Variants in MRPL36 observed in about 807,000 individuals in gnomAD.
MRPL36 encodes large ribosomal subunit protein bL36m.
Under a neutral mutation model 2.8 loss-of-function variants are expected in MRPL36, and 1 was observed. That is an observed-to-expected ratio of 0.36 (90% CI 0.13 to 1.69). The LOEUF (loss-of-function observed/expected upper bound fraction) is 1.69. MRPL36 is among the 40% of genes most tolerant of loss of function. MRPL36 has a pLI of 0.35. For missense variants in MRPL36, 148 were observed against 132.7 expected, an observed-to-expected ratio of 1.12 and a Z score of -0.57; for synonymous variants, 68 against 54.8, an observed-to-expected ratio of 1.24 and a Z score of -1.06.
At position 1,798,954 on chromosome 5, in the gene MRPL36, G is replaced by C. The variant is rs200908799; in HGVS notation, c.-12-7C>G. ...TTGCCATGTTGTGGTGAATCTATGG[G>C]AGAGAGAAAAAAAGGAGTTATAGCT... On this transcript the variant is annotated splice_region_variant and splice_polypyrimidine_tract_variant and intron_variant, in intron 1 of 1. Transcript: ENST00000505059. 1.6e-5 allele frequency: 25 copies of C among 1,548,734 alleles called. No homozygotes were observed. The highest frequency in any genetic ancestry group is 4.1e-5 in the African/African-American group (3 of 72,520).
chr5:1,800,193 G>A (rs1733994943), upstream of MRPL36, among the ~76,000 whole-genome samples: 1 of 152,206 alleles, frequency 6.6e-6, no homozygotes, highest in South Asian at 2.1e-4. Flanking sequence ...TCCGGGAAAC[G>A]AGTGGAGACG....
rs777445357 is a variant in MRPL36 at position 1,798,804 on chromosome 5, G to A, written c.132C>T (p.Pro44=). The A allele has an allele frequency of 1.9e-6, 3 of 1,614,104 alleles. No homozygotes were observed. The highest frequency in any genetic ancestry group is 2.5e-6 in the Non-Finnish European group (3 of 1,180,022). ...AGAGAAGTGAGCGCACTGCTGCCCCGGGTTCCACAGCCACGGGGGCTGCAC... is the reference window on the plus strand; with the variant it reads ...AGAGAAGTGAGCGCACTGCTGCCCCAGGTTCCACAGCCACGGGGGCTGCAC... ...IRGAAPVAVE[P]GAAVRSLLSP... Residue 44 remains proline (P), a synonymous_variant, in exon 2 of 2, where the codon CCC becomes CCT. Coordinates refer to ENST00000505059, the MANE Select transcript of MRPL36 (RefSeq NM_032479.4).
chr5:1,800,013 T>G (rs3776154), upstream of MRPL36: 36,839 of 151,844 alleles, frequency 0.24, 4,549 homozygotes, highest in Admixed American at 0.29. Flanking sequence ...TCGTGCTGTT[T>G]GGAGCGCTCT....
At chr5:1,801,312 GC>G (rs1439385919), upstream of MRPL36, 74 of 1,478,940 alleles carry the variant, frequency 5.0e-5, no homozygotes, top group Admixed American at 3.5e-4. Context: ...CGCGCTCCCC[GC>G]CCCCAGGGCG....
upstream of MRPL36, chr5:1,801,253 G>A (rs1017982072): frequency 1.9e-6 from 2 of 1,037,192 alleles, no homozygotes; most frequent in East Asian, 2.7e-5. Context: ...ATGAAAACGG[G>A]TGACCACCTG....
At position 1,798,880 on chromosome 5, in the gene MRPL36, T is replaced by G; in HGVS notation, c.56A>C (p.His19Pro). ...MVNPLLYLSRHTVKPRALSTF... is the reference protein window; with the variant it reads ...MVNPLLYLSRPTVKPRALSTF... The stretch of plus-strand genomic sequence containing the variant: ...GGAGAGGGCTCGAGGCTTCACCGTG[T>G]GACGACTGAGATAGAGCAGAGGGTT... Residue 19 changes from histidine to proline, a missense_variant, in exon 2 of 2, where the codon CAC (histidine) becomes CCC (proline). His to Pro is a moderately conservative substitution (Grantham distance 77). Coordinates refer to ENST00000505059, the MANE Select transcript of MRPL36 (RefSeq NM_032479.4). 6.2e-7 allele frequency: 1 copy of G among 1,612,416 alleles called. No homozygotes were observed. Among genetic ancestry groups the G allele is most frequent in the Non-Finnish European group, 8.5e-7 (1 of 1,178,590 alleles).
chr5:1,801,335 G>C (rs539971044), upstream of MRPL36: 47 of 1,539,394 alleles, frequency 3.1e-5, no homozygotes, highest in South Asian at 5.2e-4. Flanking sequence ...AATAAATACC[G>C]GGTGTTTGGC....
At chr5:1,801,429 G>A (rs759216530), upstream of MRPL36, 1 of 1,605,132 alleles carries the variant, frequency 6.2e-7, no homozygotes, top group Admixed American at 1.7e-5. Context: ...TGGCGGCGGC[G>A]ATGACCTTCT....
At chr5:1,800,466 CTTT>C (rs1734004285), upstream of MRPL36, among the ~76,000 whole-genome samples, 1 of 152,192 alleles carries the variant, frequency 6.6e-6, no homozygotes, top group Non-Finnish European at 1.5e-5. Context: ...GCAGCGCCCA[CTTT>C]TTCCACCTGA....
At chr5:1,801,307 T>TCCCCGCC, upstream of MRPL36, 2 of 1,105,368 alleles carry the variant, frequency 1.8e-6, no homozygotes. Flanking sequence ...CGACCCGCGC[T>TCCCCGCC]CCCCGCCCCC....
upstream of MRPL36, among the ~76,000 whole-genome samples, chr5:1,800,481 C>T (rs941846646): frequency 6.6e-6 from 1 of 152,126 alleles, no homozygotes; most frequent in Non-Finnish European, 1.5e-5. Flanking sequence ...TCCACCTGAC[C>T]CGGCGAACAC....
upstream of MRPL36, among the ~76,000 whole-genome samples, chr5:1,800,358 C>G (rs1232942509): frequency 6.6e-6 from 1 of 152,200 alleles, no homozygotes; most frequent in African/African-American, 2.4e-5. Flanking sequence ...CAGGTATCTA[C>G]CCGTAACTCC....
At chr5:1,801,039 A>T (rs1231048201), upstream of MRPL36, among the ~76,000 whole-genome samples, 1 of 152,242 alleles carries the variant, frequency 6.6e-6, no homozygotes, top group African/African-American at 2.4e-5. Flanking sequence ...GCTAAATAAG[A>T]ACCACTGGGT....
chr5:1,800,417 C>T (rs1734002087), upstream of MRPL36, among the ~76,000 whole-genome samples: 1 of 152,142 alleles, frequency 6.6e-6, no homozygotes, highest in Non-Finnish European at 1.5e-5. Context: ...GACGTGGCTG[C>T]GTCCACTCCG....
upstream of MRPL36, among the ~76,000 whole-genome samples, chr5:1,800,789 T>C (rs561928061): frequency 3.3e-4 from 50 of 152,320 alleles, no homozygotes; most frequent in East Asian, 9.3e-3. Context: ...TTGCATGCTG[T>C]AAAATCAGTC....
chr5:1,801,027 C>T (rs1368635062), upstream of MRPL36, among the ~76,000 whole-genome samples: 1 of 152,210 alleles, frequency 6.6e-6, no homozygotes, highest in Non-Finnish European at 1.5e-5. Context: ...CCCTGCCTGT[C>T]CGCTAAATAA....
upstream of MRPL36, among the ~76,000 whole-genome samples, chr5:1,800,569 C>T (rs971817986): frequency 2.0e-5 from 3 of 151,342 alleles, no homozygotes; most frequent in Non-Finnish European, 4.4e-5. Flanking sequence ...ATCTTTGGGA[C>T]CGGAGGTTTT....
chr5:1,798,975 T>C (rs776656368), intron 1 of MRPL36, 28 bp from the exon 2 acceptor site: 17 of 1,503,172 alleles, frequency 1.1e-5, no homozygotes, highest in Admixed American at 4.0e-5. Context: ...AAAGGAGTTA[T>C]AGCTTCTCCT....
In MRPL36 at chr5:1,799,791, C is replaced by CCCGGCCGCACGCTCTCAG. The variant is rs1398055507; in HGVS notation, c.-13_-13+1insCTGAGAGCGTGCGGCCGG. The CCCGGCCGCACGCTCTCAG allele has an allele frequency of 6.6e-6, 1 of 152,074 alleles. No homozygotes were observed. Among genetic ancestry groups the CCCGGCCGCACGCTCTCAG allele is most frequent in the East Asian group, 1.9e-4 (1 of 5,180 alleles). The allele number at this position is 152,074 out of a possible 1,614,324, so 9.4% of individuals were successfully genotyped here. On this transcript the variant is annotated splice_region_variant and 5_prime_UTR_variant. Coordinates refer to ENST00000505059, the MANE Select transcript of MRPL36 (RefSeq NM_032479.4). ...CTGACCTGAGAAGACGGCTCCCTTA[C>CCCGGCCGCACGCTCTCAG]CCGGCCGCACGCTCTCACCCGGCGC...
Sources: gnomAD v4.1 joint callset for allele counts (sites outside exome capture counted in the v4.1 genomes callset) on GRCh38, gnomAD v4.1.1 for gene constraint, MANE v1.5 for transcripts, NCBI Gene and HGNC (gene_info 2026-07-23, HGNC 2026-07-21) for gene names.